The following EFHC1 variants were observed in gnomAD, a reference collection of about 807,000 sequenced individuals.
The protein encoded by EFHC1 is EF-hand domain containing 1.
A neutral mutation model predicts 69.9 loss-of-function variants in EFHC1; 53 were observed. The ratio of observed to expected loss-of-function variants is 0.76; its 90% CI spans 0.61 to 0.95. The LOEUF is 0.95. Among genes scored for constraint, EFHC1 ranks in the 40% least tolerant of loss-of-function variants. The probability of loss-of-function intolerance (pLI) is 0.00; values close to 1 mark genes in which losing one functional copy is unlikely to be tolerated. For missense variants in EFHC1, 739 were observed against 798.7 expected (o/e 0.93, Z 0.90); for synonymous variants, 256 against 278.4 (o/e 0.92, Z 0.80).
intron 2 of EFHC1, among the ~76,000 whole-genome samples, 163 bp from the exon 3 acceptor site, chr6:52,438,141 G>C (rs1401023042): frequency 6.6e-6 from 1 of 152,164 alleles, no homozygotes; most frequent in Admixed American, 6.5e-5. Context: ...ATGGACTATA[G>C]TTTGCAGTAT....
rs1764249661 is a variant in EFHC1, at chr6:52,424,016, T to C, written c.134T>C (p.Val45Ala). 6.2e-7 allele frequency: 1 copy of C among 1,614,108 alleles called. No individual in the cohort carries two copies. Among genetic ancestry groups the C allele is most frequent in the Non-Finnish European group, 8.5e-7 (1 of 1,180,020 alleles). ...NGYAIVRRPT[V>A]GIGGDRLQFN... ...TATGCAATTGTTCGACGTCCAACAG[T>C]TGGGATAGGCGGAGACCGGCTCCAG... The change falls in exon 2 of 11, where the codon GTT becomes GCT. Residue 45 changes from valine (V) to alanine (A), a missense_variant. By Grantham distance (64) the Val-to-Ala change is moderately conservative (BLOSUM62 0). Transcript: ENST00000371068.
Position 52,424,170 on chromosome 6 carries a change from A to G in EFHC1, c.285+3A>G. 2 of 1,613,558 alleles carry G rather than the reference A, an allele frequency of 1.2e-6. No homozygotes were observed. The highest frequency in any genetic ancestry group is 1.7e-6 in the Non-Finnish European group (2 of 1,179,734). Reference sequence around the variant, plus strand: ...CGCATGTGGCCTTTGACAAAAAGGTATCATCTGGAATTTTAGGGTACCCCT... The same window carrying G: ...CGCATGTGGCCTTTGACAAAAAGGTGTCATCTGGAATTTTAGGGTACCCCT... On this transcript the variant is annotated splice_donor_region_variant and intron_variant, in intron 2 of 10. Coordinates refer to ENST00000371068, the MANE Select transcript of EFHC1 (RefSeq NM_018100.4).
rs73740380 is a variant in EFHC1, at chr6:52,454,269, G to C, written c.898G>C (p.Val300Leu). Residue 300 changes from valine (V) to leucine (L), a missense_variant, in exon 5 of 11, where the codon GTT (valine) becomes CTT (leucine). Physicochemically the swap from Val to Leu is conservative, Grantham distance 32 (BLOSUM62 1). Coordinates refer to ENST00000371068, the MANE Select transcript of EFHC1 (RefSeq NM_018100.4). Reference sequence around the variant, plus strand: ...AATGAACCGCCAGCGTGTGCCCAAAGTTTTGGTGGAAAATGCAAGTATGTT... The same window carrying C: ...AATGAACCGCCAGCGTGTGCCCAAACTTTTGGTGGAAAATGCAAGTATGTT... ...LLMNRQRVPK[V>L]LVENAKNFPQ... is the part of the protein sequence containing the mutation. 1.9e-6 allele frequency: 3 copies of C among 1,614,094 alleles called. No individual in the cohort carries two copies. In the African/African-American group the frequency reaches 4.0e-5, roughly 22 times the overall value.
chr6:52,428,515 T>C (rs1764351123), intron 2 of EFHC1, among the ~76,000 whole-genome samples: 1 of 152,238 alleles, frequency 6.6e-6, no homozygotes, highest in Non-Finnish European at 1.5e-5. Flanking sequence ...GTGAATGCTA[T>C]TAATTCATTC....
At chr6:52,453,753 C>G (rs935246114) in intron 4 of EFHC1, 2 of 1,242,706 alleles carry the variant, frequency 1.6e-6, no homozygotes, top group East Asian at 1.1e-4. Flanking sequence ...TCACATGTAC[C>G]TTTATTAATA....
At chr6:52,433,692 TGTGGTAGTATGGGGGGAACAGGCA>T (rs1156361845) in intron 2 of EFHC1, among the ~76,000 whole-genome samples, 2 of 152,214 alleles carry the variant, frequency 1.3e-5, no homozygotes, top group Non-Finnish European at 2.9e-5. Context: ...TAGCATTAGC[TGTGGTAGTATGGGGGGAACAGGCA>T]GTGGGTGGGC....
At chr6:52,426,430 C>T (rs1764302268) in intron 2 of EFHC1, among the ~76,000 whole-genome samples, 1 of 152,180 alleles carries the variant, frequency 6.6e-6, no homozygotes, top group African/African-American at 2.4e-5. Flanking sequence ...CTCCCTTCCT[C>T]TTTTCAATTC....
At chr6:52,464,847 GAC>G in intron 5 of EFHC1, 46 bp from the exon 6 acceptor site, 1 of 1,534,164 alleles carries the variant, frequency 6.5e-7, no homozygotes, top group South Asian at 1.1e-5. Flanking sequence ...AGTCTTTCTT[GAC>G]ACACTCATTC....
chr6:52,458,236 C>T lies in EFHC1; in HGVS notation c.916+3949C>T, dbSNP rs77004463. Among the ~76,000 whole-genome samples, 422 of 152,020 alleles carry T rather than the reference C, an allele frequency of 2.8e-3. 4 individuals are homozygous for T. Among genetic ancestry groups the T allele is most frequent in the African/African-American group, 9.8e-3 (405 of 41,462 alleles). On this transcript the variant is annotated intron_variant, in intron 5 of 10. Coordinates refer to ENST00000371068, the MANE Select transcript of EFHC1 (RefSeq NM_018100.4). ...ACCCCAAATGGATCATAGACCTGGG[C>T]GACAGAGTGAGACCCTGTCTCAGAG...
At chr6:52,457,741 A>G (rs938253965) in intron 5 of EFHC1, among the ~76,000 whole-genome samples, 3 of 152,184 alleles carry the variant, frequency 2.0e-5, no homozygotes, top group Non-Finnish European at 4.4e-5. Context: ...GAAAGTCTAA[A>G]TATGTTAGTT....
At chr6:52,480,086 T>G in intron 9 of EFHC1, 1 of 588,410 alleles carries the variant, frequency 1.7e-6, no homozygotes. Context: ...TAACTACTAA[T>G]AGCCTACTCT....
At chr6:52,445,292 AATTT>A (rs1433238654) in intron 3 of EFHC1, among the ~76,000 whole-genome samples, 3 of 148,786 alleles carry the variant, frequency 2.0e-5, no homozygotes, top group East Asian at 3.9e-4. Context: ...TTAATTAATT[AATTT>A]ATTTATTTTT....
At chr6:52,453,434 AAAGG>A in intron 4 of EFHC1, 2 of 1,287,196 alleles carry the variant, frequency 1.6e-6, no homozygotes, top group Non-Finnish European at 1.0e-6. Flanking sequence ...GGGAGAAAGA[AAAGG>A]AAGAGATCAC....
In EFHC1 at chr6:52,496,641, C is replaced by G. The variant is rs925764710; in HGVS notation, c.*4300C>G. ...CTTAGCATTCAGTATCTCTAAATCT[C>G]TCACCATGACTCCCCACAAAACATG... On this transcript the variant is annotated 3_prime_UTR_variant, in exon 11 of 11. Coordinates refer to ENST00000371068, the MANE Select transcript of EFHC1 (RefSeq NM_018100.4). 2.0e-5 allele frequency: 3 copies of G among 152,192 alleles called. No homozygotes were observed. Among genetic ancestry groups the G allele is most frequent in the African/African-American group, 7.2e-5 (3 of 41,446 alleles). The allele number at this position is 152,192 out of a possible 1,614,324, so 9.4% of individuals were successfully genotyped here. A position where few individuals can be genotyped will look rare whatever the true frequency, so the allele number is the denominator to read the frequency against.
chr6:52,421,291 C>G (rs771207765), intron 1 of EFHC1, among the ~76,000 whole-genome samples: 2 of 152,162 alleles, frequency 1.3e-5, no homozygotes, highest in African/African-American at 2.4e-5. Flanking sequence ...GTTTATTCTT[C>G]CCCGGCCCTG....
intron 9 of EFHC1, chr6:52,487,577 G>A (rs553815989): frequency 6.6e-6 from 1 of 152,086 alleles, no homozygotes; most frequent in Non-Finnish European, 1.5e-5. Flanking sequence ...CATCTTTCTA[G>A]CACACCTGCT....
At position 52,494,884 on chromosome 6, in the gene EFHC1, T is replaced by C. The variant is rs1404376852; in HGVS notation, c.*2543T>C. On this transcript the variant is annotated 3_prime_UTR_variant, in exon 11 of 11. Transcript: ENST00000371068. ...GCTGCAGAATACATGATTTCATTTT[T>C]TATGGCTGCGTAGTATTCCATGGTG... 2 of 451,092 alleles carry C rather than the reference T, an allele frequency of 4.4e-6. No individual in the cohort carries two copies. Among genetic ancestry groups the C allele is most frequent in the Non-Finnish European group, 8.9e-6 (2 of 224,666 alleles). The allele number at this position is 451,092 out of a possible 1,614,324, so 27.9% of individuals were successfully genotyped here. A position where few individuals can be genotyped will look rare whatever the true frequency, so the allele number is the denominator to read the frequency against.
intron 2 of EFHC1, among the ~76,000 whole-genome samples, chr6:52,426,821 C>T (rs1764311578): frequency 6.6e-6 from 1 of 152,184 alleles, no homozygotes; most frequent in African/African-American, 2.4e-5. Context: ...ATTTCCTCTG[C>T]CACTATCATA....
chr6:52,441,917 A>G (rs1764673823), intron 3 of EFHC1, among the ~76,000 whole-genome samples: 1 of 152,102 alleles, frequency 6.6e-6, no homozygotes, highest in South Asian at 2.1e-4. Flanking sequence ...TTGTTGGTGT[A>G]TAGGAGTGCT....
Sources: gnomAD v4.1 joint callset for allele counts (sites outside exome capture counted in the v4.1 genomes callset) on GRCh38, gnomAD v4.1.1 for gene constraint, MANE v1.5 for transcripts, NCBI Gene and HGNC (gene_info 2026-07-23, HGNC 2026-07-21) for gene names.